The following MYO16 variants were observed in gnomAD, a reference collection of about 807,000 sequenced individuals.
MYO16 encodes the protein unconventional myosin-XVI.
In MYO16, 94 loss-of-function variants were observed where a neutral mutation model predicts 205.3. The ratio of observed to expected loss-of-function variants is 0.46; its 90% CI spans 0.39 to 0.54. The LOEUF (loss-of-function observed/expected upper bound fraction) is 0.54. Among genes scored for constraint, MYO16 ranks in the 20% least tolerant of loss-of-function variants. MYO16 has a pLI of 0.00. For missense variants in MYO16, 2,315 were observed against 2,387.5 expected (o/e 0.97, Z 0.63); for synonymous variants, 988 against 954.0 (o/e 1.04, Z -0.66).
intron 27 of MYO16, among the ~76,000 whole-genome samples, chr13:109,093,205 G>A (rs1163886617): frequency 1.3e-5 from 2 of 152,182 alleles, no homozygotes; most frequent in Non-Finnish European, 2.9e-5. Context: ...GATGCAGACT[G>A]ACAAGAAGAA....
rs1886689249 is a variant in MYO16 at position 109,035,512 on chromosome 13, T to TG, written c.2797-11403dup. On this transcript the variant is annotated intron_variant, in intron 23 of 34. Coordinates refer to ENST00000457511, the MANE Select transcript of MYO16 (RefSeq NM_001198950.3). ...CAGCCTGGCCAACATGGCAAAACCCTGTTTCTACTAAAAATACAAAAATTA... is the reference window on the plus strand; with the variant it reads ...CAGCCTGGCCAACATGGCAAAACCCTGGTTTCTACTAAAAATACAAAAATTA... Among the ~76,000 whole-genome samples, 3 of 152,136 alleles carry TG rather than the reference T, an allele frequency of 2.0e-5. No homozygotes were observed. In the South Asian group the frequency reaches 6.2e-4, roughly 32 times the overall value.
chr13:109,032,579 A>G (rs1302911898), intron 23 of MYO16, among the ~76,000 whole-genome samples: 1 of 152,224 alleles, frequency 6.6e-6, no homozygotes, highest in Admixed American at 6.5e-5. Context: ...CAATAAAGCA[A>G]TCGCTATTGT....
At chr13:108,636,363 T>TGTGTGTG (rs1172973165) in intron 1 of MYO16, among the ~76,000 whole-genome samples, 3 of 77,466 alleles carry the variant, frequency 3.9e-5, no homozygotes, top group Non-Finnish European at 7.8e-5. Context: ...TTTTTTTTTT[T>TGTGTGTG]TTTTTTTGTG....
intron 32 of MYO16, among the ~76,000 whole-genome samples, chr13:109,153,813 G>A (rs1166768110): frequency 6.6e-6 from 1 of 152,200 alleles, no homozygotes; most frequent in Non-Finnish European, 1.5e-5. Flanking sequence ...TAACAGCTAG[G>A]CTAGGAGAAG....
At chr13:109,068,648 A>G (rs1320725172) in intron 27 of MYO16, among the ~76,000 whole-genome samples, 1 of 149,946 alleles carries the variant, frequency 6.7e-6, no homozygotes, top group East Asian at 2.0e-4. Context: ...CTGGAGTGCA[A>G]TGGCACAGTC....
intron 4 of MYO16, among the ~76,000 whole-genome samples, chr13:108,733,846 G>A (rs1162035295): frequency 6.6e-6 from 1 of 152,142 alleles, no homozygotes; most frequent in African/African-American, 2.4e-5. Context: ...GCAGGCACCT[G>A]TAGTCCCAGC....
intron 22 of MYO16, among the ~76,000 whole-genome samples, chr13:109,012,202 A>G (rs1885624814): frequency 6.6e-6 from 1 of 152,206 alleles, no homozygotes; most frequent in African/African-American, 2.4e-5. Flanking sequence ...AAGTTATTCA[A>G]TAGTCGTCTA....
At chr13:108,523,664 C>T in the MYO16 span, among the ~76,000 whole-genome samples, 1 of 152,174 alleles carries the variant, frequency 6.6e-6, no homozygotes, top group South Asian at 2.1e-4. Context: ...GGTCTCAGCT[C>T]TGGAAGACTT....
At chr13:108,711,363 A>G (rs748852192) in intron 2 of MYO16, among the ~76,000 whole-genome samples, 1 of 152,250 alleles carries the variant, frequency 6.6e-6, no homozygotes, top group Non-Finnish European at 1.5e-5. Flanking sequence ...TGATTGCAGA[A>G]AGAACATCAT....
Position 109,141,263 on chromosome 13 carries a change from C to G in MYO16, c.5051C>G (p.Pro1684Arg). ...SSASPPAPYS[P>R]PSSRPLSSPL... is the part of the protein sequence containing the mutation. ...GCCTCGCCCCCCGCGCCCTACAGCC[C>G]TCCCAGCTCCAGGCCTCTCAGCAGC... Residue 1684 changes from proline (P) to arginine (R), a missense_variant, in exon 32 of 35, where the codon CCT becomes CGT. Transcript: ENST00000457511. This position sits in a 1 kb window ranked among gnomAD's most constrained non-coding sequence, Gnocchi z 4.1. 4 of 1,604,634 alleles carry G rather than the reference C, an allele frequency of 2.5e-6. No homozygotes were observed. Among genetic ancestry groups the G allele is most frequent in the Non-Finnish European group, 3.4e-6 (4 of 1,175,714 alleles).
At chr13:108,629,956 C>A in intron 1 of MYO16, 84 bp downstream of exon 1, 1 of 1,181,232 alleles carries the variant, frequency 8.5e-7, no homozygotes, top group Non-Finnish European at 1.2e-6. Context: ...TAAGGCAGTT[C>A]TCCTGGTATA....
At chr13:108,757,682 A>G (rs1885466658) in intron 4 of MYO16, among the ~76,000 whole-genome samples, 1 of 151,316 alleles carries the variant, frequency 6.6e-6, no homozygotes, top group South Asian at 2.1e-4. Context: ...TCCTGTGTCC[A>G]AGTGTTCTCA....
chr13:109,034,935 T>G (rs1266120569), intron 23 of MYO16, among the ~76,000 whole-genome samples: 1 of 152,190 alleles, frequency 6.6e-6, no homozygotes, highest in Non-Finnish European at 1.5e-5. Flanking sequence ...TAAGAAACTG[T>G]GGTTCAGAGA....
Position 109,125,172 on chromosome 13 carries a change from A to T in MYO16, c.3596A>T (p.Glu1199Val), listed in dbSNP as rs1876186486. ...CAGAGAATAAGCATCAGACAACAAG[A>T]GGTGACTTCTATCAATAGCTTTCTG... ...LLQRISIRQQ[E>V]VTSINSFLQN... Residue 1199 changes from glutamate (E) to valine (V), a missense_variant, in exon 30 of 35, where the codon GAG becomes GTG. By Grantham distance (121) the Glu-to-Val change is moderately radical. Coordinates refer to ENST00000457511, the MANE Select transcript of MYO16 (RefSeq NM_001198950.3). The surrounding 1 kb of genome is among the most constrained non-coding windows in gnomAD (Gnocchi z 4.0). 2 of 1,614,160 alleles carry T rather than the reference A, an allele frequency of 1.2e-6. No homozygotes were observed. Among genetic ancestry groups the T allele is most frequent in the African/African-American group, 1.3e-5 (1 of 75,042 alleles).
intron 31 of MYO16, among the ~76,000 whole-genome samples, chr13:109,132,915 G>A (rs969695647): frequency 2.0e-5 from 3 of 152,208 alleles, no homozygotes; most frequent in Non-Finnish European, 2.9e-5. Context: ...AACCACAGCA[G>A]TGAGGACGTG....
At chr13:108,677,358 T>TATATATATATATATGC (rs1473858194) in intron 2 of MYO16, among the ~76,000 whole-genome samples, 14 of 127,278 alleles carry the variant, frequency 1.1e-4, no homozygotes, top group Non-Finnish European at 1.7e-4. Flanking sequence ...TATATATGCA[T>TATATATATATATATGC]ATATATATAT....
chr13:108,647,049 C>T (rs1880786018), intron 1 of MYO16, among the ~76,000 whole-genome samples: 1 of 152,124 alleles, frequency 6.6e-6, no homozygotes, highest in African/African-American at 2.4e-5. Context: ...ATTTGCCCCT[C>T]TTCTAAATCC....
chr13:108,827,119 C>T (rs746167536), intron 9 of MYO16, among the ~76,000 whole-genome samples: 2 of 151,988 alleles, frequency 1.3e-5, no homozygotes, highest in Non-Finnish European at 2.9e-5. Flanking sequence ...TATATAAGAA[C>T]AATAAAAAAG....
At position 108,866,416 on chromosome 13, in the gene MYO16, C is replaced by T. The variant is rs145284297; in HGVS notation, c.1425+174C>T. On this transcript the variant is annotated intron_variant, in intron 12 of 34. Transcript: ENST00000457511. ...ATTCATTTTGAGCAACCTTGAAAAT[C>T]GAAGTTATTTTATCAAAATGTTTCT... Among the ~76,000 whole-genome samples the T allele has an allele frequency of 4.0e-4, 61 of 152,234 alleles. No homozygotes were observed. In the East Asian group the frequency reaches 8.9e-3, roughly 22 times the overall value.
Sources: gnomAD v4.1 joint callset for allele counts (sites outside exome capture counted in the v4.1 genomes callset) on GRCh38, gnomAD v4.1.1 for gene constraint, Gnocchi (gnomAD v3.1) non-coding constraint, MANE v1.5 for transcripts, NCBI Gene and HGNC (gene_info 2026-07-23, HGNC 2026-07-21) for gene names.